The following EPG5 variants were observed in gnomAD, a reference collection of about 807,000 sequenced individuals.
The protein encoded by EPG5 is ectopic P granules protein 5 homolog.
Under a neutral mutation model 302.7 loss-of-function variants are expected in EPG5, and 159 were observed. That is an observed-to-expected ratio of 0.53 (90% CI 0.46 to 0.60). The LOEUF (loss-of-function observed/expected upper bound fraction) is 0.60, where lower values mean the gene tolerates loss of function less well. EPG5 is among the 20% of genes least tolerant of loss of function. EPG5 has a pLI of 0.00. For missense variants in EPG5, 2,896 were observed against 3,092.4 expected (o/e 0.94, Z 1.51); for synonymous variants, 1,158 against 1,136.8 (o/e 1.02, Z -0.37).
intron 1 of EPG5, among the ~76,000 whole-genome samples, chr18:45,956,379 A>G (rs993934004): frequency 6.6e-6 from 1 of 152,260 alleles, no homozygotes; most frequent in African/African-American, 2.4e-5. Flanking sequence ...AAGGACATTA[A>G]TGGAAAAACT....
the EPG5 span, among the ~76,000 whole-genome samples, chr18:45,837,270 C>T: frequency 6.6e-6 from 1 of 152,208 alleles, no homozygotes; most frequent in Non-Finnish European, 1.5e-5. Context: ...GGAAGAGCCG[C>T]GGGAACGCAG....
At chr18:45,839,803 C>A in the EPG5 span, among the ~76,000 whole-genome samples, 1 of 152,190 alleles carries the variant, frequency 6.6e-6, no homozygotes, top group South Asian at 2.1e-4. Context: ...GATCAGAAAT[C>A]TGCCCTGTGC....
chr18:45,854,986 A>G lies in EPG5; in HGVS notation c.7557+587T>C, dbSNP rs546700452. On this transcript the variant is annotated intron_variant, in intron 43 of 43. Coordinates refer to ENST00000282041, the MANE Select transcript of EPG5 (RefSeq NM_020964.3). ...CCTGGCACAGAGGGAGTACTCACGA[A>G]TGCTGATCATCATTTTTTACTGTGC... Among the ~76,000 whole-genome samples the G allele has an allele frequency of 8.5e-5, 13 of 152,320 alleles. No individual in the cohort carries two copies. The South Asian group carries it at 2.5e-3, about 29-fold the overall frequency.
intron 13 of EPG5, among the ~76,000 whole-genome samples, chr18:45,927,593 TACACACACACACACACACACACAC>T (rs67488772): frequency 1.5e-5 from 2 of 133,426 alleles, no homozygotes; most frequent in Non-Finnish European, 3.1e-5. Flanking sequence ...CAAAAAGTTA[TACACACACACACACACACACACAC>T]ACACACACAC....
chr18:45,950,749 G>A (rs542117726), intron 4 of EPG5, among the ~76,000 whole-genome samples: 1 of 152,278 alleles, frequency 6.6e-6, no homozygotes, highest in Admixed American at 6.5e-5. Context: ...CAAAAAGTTT[G>A]GAATTTTGGA....
chr18:45,832,743 C>T, the EPG5 span, among the ~76,000 whole-genome samples: 1 of 152,198 alleles, frequency 6.6e-6, no homozygotes, highest in Non-Finnish European at 1.5e-5. Flanking sequence ...CCTCCCCTGT[C>T]TTAGCAGACA....
At chr18:45,879,360 T>C (rs2049041745) in intron 32 of EPG5, 146 bp from the exon 33 acceptor site, 1 of 626,320 alleles carries the variant, frequency 1.6e-6, no homozygotes, top group Non-Finnish European at 2.7e-6. Context: ...AATAAATCAA[T>C]GGTTTTTTGT....
the EPG5 span, among the ~76,000 whole-genome samples, chr18:45,817,351 CT>C: frequency 6.6e-6 from 1 of 152,164 alleles, no homozygotes; most frequent in Non-Finnish European, 1.5e-5. Flanking sequence ...AAAAAAGTTT[CT>C]TTCCTTTCTT....
At chr18:45,844,965 T>G (rs1430228765), downstream of EPG5, among the ~76,000 whole-genome samples, 3 of 152,264 alleles carry the variant, frequency 2.0e-5, no homozygotes, top group African/African-American at 7.2e-5. Context: ...TCAATACCAT[T>G]ACCACATTTG....
At chr18:45,926,372 G>A (rs1465518462) in intron 13 of EPG5, among the ~76,000 whole-genome samples, 1 of 152,084 alleles carries the variant, frequency 6.6e-6, no homozygotes, top group African/African-American at 2.4e-5. Flanking sequence ...GAGACCAAGA[G>A]TTGATAGCTA....
At chr18:45,905,513 C>T (rs2049728502) in intron 24 of EPG5, among the ~76,000 whole-genome samples, 2 of 152,172 alleles carry the variant, frequency 1.3e-5, no homozygotes, top group Admixed American at 6.5e-5. Flanking sequence ...GCTAGATCCT[C>T]CTATTGCATA....
chr18:45,924,797 G>A (rs2050235264), intron 14 of EPG5, among the ~76,000 whole-genome samples: 1 of 152,200 alleles, frequency 6.6e-6, no homozygotes, highest in African/African-American at 2.4e-5. Context: ...GCACGCGCCT[G>A]TAATCCCAGC....
chr18:45,857,551 C>G (rs369840183), intron 42 of EPG5, among the ~76,000 whole-genome samples: 1 of 151,992 alleles, frequency 6.6e-6, no homozygotes. Context: ...ATGACTAGCT[C>G]AAAACCAAAA....
chr18:45,870,814 G>A lies in EPG5; in HGVS notation c.6050-72C>T, dbSNP rs185407931. The A allele has an allele frequency of 1.9e-3, 2,324 of 1,224,016 alleles. 4 individuals are homozygous for A. Among genetic ancestry groups the A allele is most frequent in the Non-Finnish European group, 2.4e-3 (2,154 of 889,664 alleles). 75.8% of individuals were successfully genotyped at this position (1,224,016 alleles called of 1,614,324 possible). A position where few individuals can be genotyped will look rare whatever the true frequency, so the allele number is the denominator to read the frequency against. Reference sequence around the variant, plus strand: ...AAAAAAAAAAAAAAAAAGCAAATTTGAACTAAAAGTCTAAAATCTAAGGTT... The same window carrying A: ...AAAAAAAAAAAAAAAAAGCAAATTTAAACTAAAAGTCTAAAATCTAAGGTT... On this transcript the variant is annotated intron_variant, in intron 35 of 43. Transcript: ENST00000282041.
chr18:45,838,577 C>T, the EPG5 span: 1 of 1,127,410 alleles, frequency 8.9e-7, no homozygotes, highest in Non-Finnish European at 1.2e-6. Flanking sequence ...CCCAAGGCCA[C>T]ATCTGTATTG....
chr18:45,960,986 T>G (rs2051135785), intron 1 of EPG5, among the ~76,000 whole-genome samples: 1 of 152,144 alleles, frequency 6.6e-6, no homozygotes, highest in Non-Finnish European at 1.5e-5. Context: ...AACTCCTGAT[T>G]TTCCCCCCTA....
chr18:45,857,014 G>C (rs918655640), intron 42 of EPG5, among the ~76,000 whole-genome samples: 3 of 152,026 alleles, frequency 2.0e-5, no homozygotes, highest in Non-Finnish European at 4.4e-5. Context: ...TGCCTCCTGG[G>C]TTTAAGCAAT....
chr18:45,960,165 TATA>T (rs1236914236), intron 1 of EPG5, among the ~76,000 whole-genome samples: 1 of 152,218 alleles, frequency 6.6e-6, no homozygotes, highest in Non-Finnish European at 1.5e-5. Context: ...ATAATGTATA[TATA>T]ATAATCATTA....
At chr18:45,872,680 G>C (rs948940893) in intron 35 of EPG5, among the ~76,000 whole-genome samples, 18 of 152,032 alleles carry the variant, frequency 1.2e-4, no homozygotes, top group African/African-American at 4.4e-4. Flanking sequence ...CTCCAACCTG[G>C]GCAACAGAGT....
Sources: gnomAD v4.1 joint callset for allele counts (sites outside exome capture counted in the v4.1 genomes callset) on GRCh38, gnomAD v4.1.1 for gene constraint, MANE v1.5 for transcripts, NCBI Gene and HGNC (gene_info 2026-07-23, HGNC 2026-07-21) for gene names.